Variants in WWOX observed in about 807,000 individuals in gnomAD.
WWOX encodes the protein WW domain-containing oxidoreductase.
A neutral mutation model predicts 46.2 loss-of-function variants in WWOX; 69 were observed. The ratio of observed to expected loss-of-function variants is 1.49; its 90% CI spans 1.23 to 1.82. WWOX has a LOEUF of 1.82. Ranked by LOEUF, WWOX falls within the 40% of genes most tolerant of loss-of-function variation. The pLI, the probability that WWOX is intolerant of heterozygous loss-of-function variation, is 0.00. For synonymous variants in WWOX, 359 were observed against 202.6 expected, an observed-to-expected ratio of 1.77 and a Z score of -6.56; for missense variants, 919 against 542.6, an observed-to-expected ratio of 1.69 and a Z score of -6.89.
At chr16:79,142,056 C>T (rs958605814) in intron 8 of WWOX, among the ~76,000 whole-genome samples, 1 of 152,164 alleles carries the variant, frequency 6.6e-6, no homozygotes, top group Non-Finnish European at 1.5e-5. Flanking sequence ...TATATCTTAC[C>T]TTCTCTTTTT....
chr16:78,834,873 G>C (rs1294196605), intron 8 of WWOX, among the ~76,000 whole-genome samples: 1 of 152,060 alleles, frequency 6.6e-6, no homozygotes, highest in Non-Finnish European at 1.5e-5. Flanking sequence ...ACATTATTAT[G>C]ATAATGACTG....
intron 8 of WWOX, among the ~76,000 whole-genome samples, chr16:78,716,563 C>T (rs766100526): frequency 6.6e-6 from 1 of 152,056 alleles, no homozygotes; most frequent in Non-Finnish European, 1.5e-5. Flanking sequence ...TACTCCATGC[C>T]AGTGTCTTCC....
rs77739304 is a variant in WWOX at position 78,471,131 on chromosome 16, G to C, written c.1056+38379G>C. On this transcript the variant is annotated intron_variant, in intron 8 of 8. Transcript: ENST00000566780. ...TGCTTCTAGGACTGAACAGGGAAGAGGGAAAAGTCAAAAGAATGACAGAAG... is the reference window on the plus strand; with the variant it reads ...TGCTTCTAGGACTGAACAGGGAAGACGGAAAAGTCAAAAGAATGACAGAAG... Among the ~76,000 whole-genome samples the C allele has an allele frequency of 1.2e-3, 185 of 152,314 alleles. 1 individual carries two copies. The highest frequency in any genetic ancestry group is 4.3e-3 in the African/African-American group (179 of 41,574).
intron 8 of WWOX, among the ~76,000 whole-genome samples, chr16:78,604,383 A>G (rs1438668601): frequency 6.6e-6 from 1 of 152,034 alleles, no homozygotes; most frequent in Non-Finnish European, 1.5e-5. Context: ...GCCCTCGTTT[A>G]TTCAGCAAAT....
chr16:78,893,440 A>C (rs1425635120), intron 8 of WWOX, among the ~76,000 whole-genome samples: 16 of 151,666 alleles, frequency 1.1e-4, no homozygotes, highest in Admixed American at 1.1e-3. Flanking sequence ...CTTTTCTTTT[A>C]TTTTTCTGTT....
At chr16:78,118,234 A>G (rs1170700564) in intron 4 of WWOX, among the ~76,000 whole-genome samples, 2 of 151,894 alleles carry the variant, frequency 1.3e-5, no homozygotes, top group Admixed American at 1.3e-4. Flanking sequence ...GCTGTAAGTG[A>G]TACGGAGCTG....
At chr16:78,942,058 T>C (rs2045862454) in intron 8 of WWOX, among the ~76,000 whole-genome samples, 1 of 152,192 alleles carries the variant, frequency 6.6e-6, no homozygotes, top group Admixed American at 6.5e-5. Context: ...TAGCCGCTGA[T>C]AGGTAGTTAC....
intron 5 of WWOX, among the ~76,000 whole-genome samples, chr16:78,175,281 C>T (rs974803807): frequency 6.6e-6 from 1 of 152,046 alleles, no homozygotes; most frequent in Non-Finnish European, 1.5e-5. Context: ...TGCAGCTATG[C>T]CCAAGGTTCT....
At chr16:79,085,311 G>T (rs1024527653) in intron 8 of WWOX, among the ~76,000 whole-genome samples, 1 of 152,066 alleles carries the variant, frequency 6.6e-6, no homozygotes, top group Admixed American at 6.6e-5. Context: ...TACTGTCTAG[G>T]TTATTACAGT....
At chr16:78,696,638 T>A (rs2048105726) in intron 8 of WWOX, among the ~76,000 whole-genome samples, 1 of 142,512 alleles carries the variant, frequency 7.0e-6, no homozygotes, top group South Asian at 2.2e-4. Context: ...CTAATGTAAG[T>A]GTTCTTTTTT....
intron 8 of WWOX, among the ~76,000 whole-genome samples, chr16:78,512,356 T>C (rs2085382559): frequency 1.3e-5 from 2 of 152,360 alleles, no homozygotes; most frequent in South Asian, 2.1e-4. Flanking sequence ...TTTAAAAGTA[T>C]ATTTATTTCC....
intron 8 of WWOX, among the ~76,000 whole-genome samples, chr16:79,178,302 C>T (rs1271555480): frequency 1.3e-5 from 2 of 152,076 alleles, no homozygotes; most frequent in African/African-American, 4.8e-5. Context: ...GTTTGCTGAT[C>T]CCTGTTTTAT....
At chr16:78,859,408 G>T (rs1353363855) in intron 8 of WWOX, among the ~76,000 whole-genome samples, 1 of 151,974 alleles carries the variant, frequency 6.6e-6, no homozygotes, top group African/African-American at 2.4e-5. Flanking sequence ...GTACTTTTGG[G>T]AATCTTACCA....
intron 4 of WWOX, among the ~76,000 whole-genome samples, chr16:78,126,605 A>T (rs143437251): frequency 6.6e-6 from 1 of 152,306 alleles, no homozygotes; most frequent in African/African-American, 2.4e-5. Context: ...TAATTTATAA[A>T]GTGTCTATTA....
intron 8 of WWOX, among the ~76,000 whole-genome samples, chr16:78,911,483 G>T (rs1288851511): frequency 6.6e-6 from 1 of 151,984 alleles, no homozygotes; most frequent in Non-Finnish European, 1.5e-5. Flanking sequence ...TTCAGAAGTT[G>T]AAGGAGATAT....
rs1323038634 is a variant in WWOX, at chr16:79,118,381, A to G, written c.1057-93227A>G. 2.6e-5 allele frequency among the ~76,000 whole-genome samples: 4 copies of G among 152,244 alleles called. 1 individual carries two copies. The highest frequency in any genetic ancestry group is 1.3e-4 in the Admixed American group (2 of 15,288). ...CCAAAAAATGACAATGGGGACATCA[A>G]AGATCACTGATCACAGATCACCAAA... On this transcript the variant is annotated intron_variant, in intron 8 of 8. Coordinates refer to ENST00000566780, the MANE Select transcript of WWOX (RefSeq NM_016373.4).
At chr16:78,654,887 G>A (rs1380902819) in intron 8 of WWOX, among the ~76,000 whole-genome samples, 9 of 151,438 alleles carry the variant, frequency 5.9e-5, no homozygotes, top group Admixed American at 2.6e-4. Context: ...TTGGTGGGGG[G>A]GATGCATATG....
At chr16:78,421,711 T>C (rs2082936363) in intron 6 of WWOX, among the ~76,000 whole-genome samples, 1 of 152,186 alleles carries the variant, frequency 6.6e-6, no homozygotes, top group Non-Finnish European at 1.5e-5. Context: ...AAGCATTTTA[T>C]ATAGAATGGA....
At chr16:78,901,795 T>C (rs189062206) in intron 8 of WWOX, among the ~76,000 whole-genome samples, 94 of 152,350 alleles carry the variant, frequency 6.2e-4, no homozygotes, top group African/African-American at 2.3e-3. Flanking sequence ...AGCGAGGTAG[T>C]CAGTGTTCTA....
Sources: gnomAD v4.1 joint callset for allele counts (sites outside exome capture counted in the v4.1 genomes callset) on GRCh38, gnomAD v4.1.1 for gene constraint, MANE v1.5 for transcripts, NCBI Gene and HGNC (gene_info 2026-07-23, HGNC 2026-07-21) for gene names.